NEO1: variants seen among roughly 807,000 people sequenced by gnomAD.
NEO1 encodes the protein neogenin 1, also known as neogenin.
In NEO1, 63 loss-of-function variants were observed where a neutral mutation model predicts 159.7. That is an observed-to-expected ratio of 0.39 (90% CI 0.32 to 0.49). NEO1 has a LOEUF of 0.49. NEO1 is among the 20% of genes least tolerant of loss of function. The pLI is 0.85. For synonymous variants in NEO1, 633 were observed against 662.0 expected, an observed-to-expected ratio of 0.96 and a Z score of 0.67; for missense variants, 1,615 against 1,831.0, an observed-to-expected ratio of 0.88 and a Z score of 2.15.
At chr15:73,058,306 C>A (rs951009578) in intron 1 of NEO1, among the ~76,000 whole-genome samples, 7 of 152,200 alleles carry the variant, frequency 4.6e-5, no homozygotes, top group Non-Finnish European at 1.0e-4. Flanking sequence ...AATTTCTTCA[C>A]ATTCCACAGA....
chr15:73,055,680 CTG>C (rs1281129656), intron 1 of NEO1, among the ~76,000 whole-genome samples: 6 of 152,174 alleles, frequency 3.9e-5, no homozygotes, highest in Admixed American at 1.3e-4. Context: ...AAGTTAAACT[CTG>C]TGTCATTTTC....
At chr15:73,263,065 G>A (rs2040699283) in intron 15 of NEO1, among the ~76,000 whole-genome samples, 2 of 152,110 alleles carry the variant, frequency 1.3e-5, no homozygotes, top group Middle Eastern at 3.4e-3. Context: ...GCTTCTCGGA[G>A]TATTGGAAAT....
chr15:73,181,102 C>G (rs2035582732), intron 7 of NEO1, among the ~76,000 whole-genome samples: 2 of 152,008 alleles, frequency 1.3e-5, no homozygotes, highest in African/African-American at 4.8e-5. Context: ...TAAGGTGTCC[C>G]CTTTGTAATA....
chr15:73,112,256 C>T (rs769596943), intron 1 of NEO1, among the ~76,000 whole-genome samples: 10 of 152,000 alleles, frequency 6.6e-5, no homozygotes, highest in Non-Finnish European at 1.0e-4. Flanking sequence ...CTGCAATAAA[C>T]GGATCAAATC....
Position 73,052,756 on chromosome 15 carries a change from G to C in NEO1, c.81G>C (p.Arg27=). 7.9e-7 allele frequency: 1 copy of C among 1,270,752 alleles called. No homozygotes were observed. The highest frequency in any genetic ancestry group is 1.0e-6 in the Non-Finnish European group (1 of 1,002,504). 78.7% of individuals were successfully genotyped at this position (1,270,752 alleles called of 1,614,324 possible). The change falls in exon 1 of 29, where the codon CGG becomes CGC. Residue 27 remains arginine (R), a synonymous_variant. Coordinates refer to ENST00000261908, the MANE Select transcript of NEO1 (RefSeq NM_002499.4). ...WLYCLLLLGR[R]APGAAAARSG... ...ACTGCCTGCTGCTGCTCGGGCGCCG[G>C]GCGCCGGGCGCCGCGGCCGCCAGGA...
At chr15:73,099,248 C>T (rs907425090) in intron 1 of NEO1, among the ~76,000 whole-genome samples, 2 of 152,170 alleles carry the variant, frequency 1.3e-5, no homozygotes, top group African/African-American at 4.8e-5. Flanking sequence ...TTTTGTATCA[C>T]AAGTGTGTTA....
chr15:73,174,031 C>T (rs1378229901), intron 5 of NEO1, among the ~76,000 whole-genome samples: 4 of 148,784 alleles, frequency 2.7e-5, no homozygotes, highest in African/African-American at 9.9e-5. Flanking sequence ...ACCTGTGAGG[C>T]GAAGATTGCA....
rs553579349 is a variant in NEO1, at chr15:73,221,308, C to T, written c.1292-15039C>T. On this transcript the variant is annotated intron_variant, in intron 7 of 28. Coordinates refer to ENST00000261908, the MANE Select transcript of NEO1 (RefSeq NM_002499.4). ...GGAAGTTTTGTCTCAGAGGAGTACC[C>T]GGCCGTGTGAAGTGTCAGTCTGCCC... 6.0e-4 allele frequency among the ~76,000 whole-genome samples: 91 copies of T among 152,262 alleles called. 1 individual carries two copies. The highest frequency in any genetic ancestry group is 2.2e-3 in the African/African-American group (90 of 41,554).
intron 1 of NEO1, among the ~76,000 whole-genome samples, chr15:73,106,711 A>G (rs1391492546): frequency 6.6e-6 from 1 of 152,134 alleles, no homozygotes; most frequent in African/African-American, 2.4e-5. Context: ...CAAATTCTTC[A>G]TTCTCTTTGT....
rs151208977 is a variant in NEO1, at chr15:73,090,006, C to T, written c.131-26534C>T. On this transcript the variant is annotated intron_variant, in intron 1 of 28. Coordinates refer to ENST00000261908, the MANE Select transcript of NEO1 (RefSeq NM_002499.4). ...TATTTAGAGCATTTTATTTTACTCT[C>T]AGATGTGTCCTGGTTTGGAAGATAA... 6.6e-3 allele frequency among the ~76,000 whole-genome samples: 1,011 copies of T among 152,224 alleles called. 50 individuals carry two copies. The highest frequency in any genetic ancestry group is 0.062 in the Admixed American group (948 of 15,280).
At chr15:73,262,582 A>G (rs1223046142) in intron 15 of NEO1, among the ~76,000 whole-genome samples, 1 of 152,224 alleles carries the variant, frequency 6.6e-6, no homozygotes, top group Non-Finnish European at 1.5e-5. Flanking sequence ...TAGAATTGCT[A>G]AATGTTAGTA....
intron 1 of NEO1, among the ~76,000 whole-genome samples, chr15:73,081,020 A>G (rs1357560257): frequency 6.6e-6 from 1 of 152,268 alleles, no homozygotes; most frequent in Non-Finnish European, 1.5e-5. Context: ...AGTCAATTTC[A>G]TAATTAACTG....
chr15:73,120,959 A>T (rs1036326887), intron 2 of NEO1, among the ~76,000 whole-genome samples: 9 of 152,018 alleles, frequency 5.9e-5, no homozygotes, highest in Non-Finnish European at 8.8e-5. Context: ...ATCTGCCTTA[A>T]CCCCCCAAAA....
Position 73,244,517 on chromosome 15 carries a change from T to C in NEO1, c.1606+19T>C. On this transcript the variant is annotated intron_variant, in intron 9 of 28. Coordinates refer to ENST00000261908, the MANE Select transcript of NEO1 (RefSeq NM_002499.4). ...CCTGAGGGTAAGTCTTCCACCTGTCTGTCAGCACCCCCTAGAGGTAGACCT... is the reference window on the plus strand; with the variant it reads ...CCTGAGGGTAAGTCTTCCACCTGTCCGTCAGCACCCCCTAGAGGTAGACCT... 1 of 1,611,618 alleles carries C rather than the reference T, an allele frequency of 6.2e-7. No individual in the cohort carries two copies. Among genetic ancestry groups the C allele is most frequent in the Non-Finnish European group, 8.5e-7 (1 of 1,178,466 alleles).
At chr15:73,185,715 T>C (rs925455609) in intron 7 of NEO1, among the ~76,000 whole-genome samples, 2 of 152,192 alleles carry the variant, frequency 1.3e-5, no homozygotes, top group Non-Finnish European at 2.9e-5. Flanking sequence ...TTGCCAAAAC[T>C]TGGAAGCAAC....
At chr15:73,218,136 C>G (rs566795456) in intron 7 of NEO1, among the ~76,000 whole-genome samples, 136 of 152,166 alleles carry the variant, frequency 8.9e-4, no homozygotes, top group African/African-American at 2.7e-3. Flanking sequence ...TTAGCATGAA[C>G]GGCTGTTGAA....
At chr15:73,194,579 C>G (rs1208585970) in intron 7 of NEO1, among the ~76,000 whole-genome samples, 1 of 152,164 alleles carries the variant, frequency 6.6e-6, no homozygotes, top group Non-Finnish European at 1.5e-5. Flanking sequence ...TAAGAACCTA[C>G]TCAGTGCAAG....
chr15:73,278,301 C>T (rs971671313), intron 22 of NEO1, 102 bp downstream of exon 22: 17 of 952,722 alleles, frequency 1.8e-5, no homozygotes, highest in Non-Finnish European at 2.7e-5. Flanking sequence ...TGGGTTGTAG[C>T]ATATTAGCCT....
chr15:73,293,197 G>A (rs2042223215), intron 25 of NEO1, among the ~76,000 whole-genome samples, 193 bp from the exon 26 acceptor site: 1 of 152,104 alleles, frequency 6.6e-6, no homozygotes, highest in South Asian at 2.1e-4. Flanking sequence ...ATGCAAAAGA[G>A]TATCTTCATT....
Sources: allele counts gnomAD v4.1 joint callset (sites outside exome capture counted in the v4.1 genomes callset), GRCh38; gene constraint gnomAD v4.1.1; transcripts MANE v1.5; gene names NCBI Gene and HGNC (gene_info 2026-07-23, HGNC 2026-07-21).